The following DNAAF2 variants were observed in gnomAD, a reference collection of about 807,000 sequenced individuals.
DNAAF2 encodes the protein dynein axonemal assembly factor 2, also known as protein kintoun.
In DNAAF2, 58 loss-of-function variants were observed where a neutral mutation model predicts 48.8. That is an observed-to-expected ratio of 1.19 (90% CI 0.96 to 1.48). The LOEUF (loss-of-function observed/expected upper bound fraction) is 1.48. Ranked by LOEUF, DNAAF2 falls within the 40% of genes most tolerant of loss-of-function variation. The probability of loss-of-function intolerance (pLI) is 0.00; values close to 1 mark genes in which losing one functional copy is unlikely to be tolerated. For synonymous variants in DNAAF2, 567 were observed against 481.2 expected, an observed-to-expected ratio of 1.18 and a Z score of -2.33; for missense variants, 1,241 against 1,116.1, an observed-to-expected ratio of 1.11 and a Z score of -1.59.
At chr14:49,631,264 A>T (rs1382169307) in intron 1 of DNAAF2, among the ~76,000 whole-genome samples, 1 of 152,330 alleles carries the variant, frequency 6.6e-6, no homozygotes, top group East Asian at 1.9e-4. Flanking sequence ...CTTGCAAATA[A>T]TACACCAAAT....
At position 49,633,748 on chromosome 14, in the gene DNAAF2, G is replaced by C. The variant is rs1469945139; in HGVS notation, c.1402C>G (p.Pro468Ala). ...GCCAGGCTCCGGGAGGACAAACAAG[G>C]GGAGCCTCCGCCACCAGGTGAGTTT... ...GENSPGGGGSPCLSSRSLAWG... is the reference protein window; with the variant it reads ...GENSPGGGGSACLSSRSLAWG... Residue 468 changes from proline to alanine, a missense_variant, in exon 1 of 3, where the codon CCT becomes GCT. Coordinates refer to ENST00000298292, the MANE Select transcript of DNAAF2 (RefSeq NM_018139.3). The C allele has an allele frequency of 6.3e-7, 1 of 1,592,614 alleles. No individual in the cohort carries two copies. The highest frequency in any genetic ancestry group is 8.5e-7 in the Non-Finnish European group (1 of 1,171,704).
At position 49,634,400 on chromosome 14, in the gene DNAAF2, G is replaced by A; in HGVS notation, c.750C>T (p.Pro250=). ...SPPEAALQPA[P]TEPRYSVVQR... ...GCACCACGCTGTAGCGAGGCTCGGTGGGGGCGGGCTGCAAGGCCGCTTCCG... is the reference window on the plus strand; with the variant it reads ...GCACCACGCTGTAGCGAGGCTCGGTAGGGGCGGGCTGCAAGGCCGCTTCCG... Residue 250 remains proline (P), a synonymous_variant, in exon 1 of 3, where the codon CCC becomes CCT. Transcript: ENST00000298292. 2 of 1,585,348 alleles carry A rather than the reference G, an allele frequency of 1.3e-6. No homozygotes were observed. The highest frequency in any genetic ancestry group is 1.7e-6 in the Non-Finnish European group (2 of 1,166,022).
In DNAAF2 at chr14:49,628,145, A is replaced by C; in HGVS notation, c.1874T>G (p.Phe625Cys). 1 of 1,582,770 alleles carries C rather than the reference A, an allele frequency of 6.3e-7. No individual in the cohort carries two copies. The highest frequency in any genetic ancestry group is 1.2e-5 in the South Asian group (1 of 85,758). ...VNNDSLEERL[F>C]VNEENVNEFL... ...CTCATTAACATTTTCTTCATTGACA[A>C]ATAACCTTTCCTAAAATAAAAAGGG... Residue 625 changes from phenylalanine to cysteine, a missense_variant, in exon 2 of 3, where the codon TTT becomes TGT. Phe to Cys is a radical substitution (Grantham distance 205). Transcript: ENST00000298292.
In DNAAF2 at chr14:49,625,448, A is replaced by T; in HGVS notation, c.*94T>A. 1.0e-6 allele frequency: 1 copy of T among 973,996 alleles called. No individual in the cohort carries two copies. Among genetic ancestry groups the T allele is most frequent in the Non-Finnish European group, 1.4e-6 (1 of 732,980 alleles). The allele number at this position is 973,996 out of a possible 1,614,324, so 60.3% of individuals were successfully genotyped here. A position where few individuals can be genotyped will look rare whatever the true frequency, so the allele number is the denominator to read the frequency against. ...ATTGCAAATTTTAATTTTATACTTT[A>T]ATACCTTTAGTTTTAAGACAACAGT... On this transcript the variant is annotated 3_prime_UTR_variant, in exon 3 of 3. Transcript: ENST00000298292.
intron 1 of DNAAF2, among the ~76,000 whole-genome samples, chr14:49,628,430 A>T (rs1247794484): frequency 6.6e-6 from 1 of 152,072 alleles, no homozygotes; most frequent in Middle Eastern, 3.2e-3. Flanking sequence ...CTGACCTTTT[A>T]GTATTTTTCT....
rs567371975 is a variant in DNAAF2, at chr14:49,635,021, G to A, written c.129C>T (p.Leu43=). The A allele has an allele frequency of 1.3e-4, 202 of 1,572,782 alleles. 2 individuals are homozygous for A. In the Admixed American group the frequency reaches 3.5e-3, roughly 27 times the overall value. The change falls in exon 1 of 3, where the codon CTC becomes CTT. Residue 43 remains leucine, a synonymous_variant. Transcript: ENST00000298292. ...AGCGCCGCCGGTTCTCCGGGTCGGTGAGCTCCTCGGCGTACTGGGAGAACA... is the reference window on the plus strand; with the variant it reads ...AGCGCCGCCGGTTCTCCGGGTCGGTAAGCTCCTCGGCGTACTGGGAGAACA... ...RRMFSQYAEE[L]TDPENRRRYE... is the part of the protein sequence containing the mutation.
At position 49,626,036 on chromosome 14, in the gene DNAAF2, TACATTCTTGCA is replaced by T; in HGVS notation, c.2009_2019del (p.Leu670Ter). The T allele has an allele frequency of 6.7e-7, 1 of 1,486,374 alleles. No individual in the cohort carries two copies. Among genetic ancestry groups the T allele is most frequent in the Non-Finnish European group, 8.9e-7 (1 of 1,121,338 alleles). 92.1% of individuals were successfully genotyped at this position (1,486,374 alleles called of 1,614,324 possible). The stretch of plus-strand genomic sequence containing the variant: ...TTTCCTTGTAGCTGATCAGAGTTAC[TACATTCTTGCA>T]ACTGTGTCAAGAGAAACAACAAATT... On this transcript the variant is annotated frameshift_variant and splice_region_variant, in exon 3 of 3. Coordinates refer to ENST00000298292, the MANE Select transcript of DNAAF2 (RefSeq NM_018139.3). LOFTEE classifies it low-confidence loss of function (END_TRUNC).
intron 1 of DNAAF2, 22 bp from the exon 2 acceptor site, chr14:49,628,177 T>C (rs750466795): frequency 1.3e-6 from 2 of 1,554,818 alleles, no homozygotes; most frequent in Non-Finnish European, 1.7e-6. Context: ...AGGGAAAAAA[T>C]ATTCTGCCTA....
chr14:49,633,656 C>A lies in DNAAF2; in HGVS notation c.1494G>T (p.Ser498=), dbSNP rs2985688. 1.2e-6 allele frequency: 2 copies of A among 1,612,316 alleles called. No individual in the cohort carries two copies. ...GDSSVETREE[S]EGTGGQRSAC... ...CTGAGCGCTGGCCGCCCGTGCCCTC[C>A]GACTCCTCGCGTGTTTCCACACTGC... Residue 498 remains serine, a synonymous_variant, in exon 1 of 3, where the codon TCG becomes TCT. Coordinates refer to ENST00000298292, the MANE Select transcript of DNAAF2 (RefSeq NM_018139.3).
At chr14:49,632,917 T>C (rs1482406970) in intron 1 of DNAAF2, among the ~76,000 whole-genome samples, 1 of 172 alleles carries the variant, frequency 5.8e-3, no homozygotes. Context: ...TTTAAGTTGT[T>C]TTTTTTTTTG....
In DNAAF2 at chr14:49,625,421, A is replaced by T; in HGVS notation, c.*121T>A. On this transcript the variant is annotated 3_prime_UTR_variant, in exon 3 of 3. Coordinates refer to ENST00000298292, the MANE Select transcript of DNAAF2 (RefSeq NM_018139.3). ...AATCAAAATTGCAATTTTTTAAAAAAAATTGCAAATTTTAATTTTATACTT... is the reference window on the plus strand; with the variant it reads ...AATCAAAATTGCAATTTTTTAAAAATAATTGCAAATTTTAATTTTATACTT... The T allele has an allele frequency of 1.2e-6, 1 of 816,316 alleles. No homozygotes were observed. The highest frequency in any genetic ancestry group is 3.3e-5 in the East Asian group (1 of 30,102). 50.6% of individuals were successfully genotyped at this position (816,316 alleles called of 1,614,324 possible).
chr14:49,631,832 T>C (rs1255330316), intron 1 of DNAAF2, among the ~76,000 whole-genome samples: 1 of 152,232 alleles, frequency 6.6e-6, no homozygotes, highest in Non-Finnish European at 1.5e-5. Flanking sequence ...ATGATTATTT[T>C]CATGTAATGC....
At chr14:49,630,756 C>CACA (rs1555327722) in intron 1 of DNAAF2, among the ~76,000 whole-genome samples, 2 of 138,890 alleles carry the variant, frequency 1.4e-5, no homozygotes, top group South Asian at 2.3e-4. Flanking sequence ...CACACACACA[C>CACA]TTTTTTTTTT....
Position 49,633,717 on chromosome 14 carries a change from C to A in DNAAF2, c.1433G>T (p.Gly478Val). ...PCLSSRSLAW[G>V]SSAGRESARG... ...CGCACTCTCTCTTCCCGCAGAAGAA[C>A]CCCACGCCAGGCTCCGGGAGGACAA... is the stretch of plus-strand genomic sequence containing the variant. The change falls in exon 1 of 3, where the codon GGT (glycine) becomes GTT (valine). Residue 478 changes from glycine to valine, a missense_variant. Transcript: ENST00000298292. 1 of 1,598,342 alleles carries A rather than the reference C, an allele frequency of 6.3e-7. No individual in the cohort carries two copies. The highest frequency in any genetic ancestry group is 8.5e-7 in the Non-Finnish European group (1 of 1,171,122).
chr14:49,626,804 T>G (rs1336262228), intron 2 of DNAAF2, among the ~76,000 whole-genome samples: 2 of 132,078 alleles, frequency 1.5e-5, no homozygotes, highest in African/African-American at 5.8e-5. Context: ...CCAGTCTTTT[T>G]TTTTTTTTTT....
In DNAAF2 at chr14:49,625,214, T is replaced by A. The variant is rs12160; in HGVS notation, c.*328A>T. 0.7 allele frequency: 110,026 copies of A among 157,910 alleles called. 39,697 individuals are homozygous for A. Among genetic ancestry groups the A allele is most frequent in the Non-Finnish European group, 0.76 (54,908 of 71,980 alleles). 9.8% of individuals were successfully genotyped at this position (157,910 alleles called of 1,614,324 possible). A position where few individuals can be genotyped will look rare whatever the true frequency, so the allele number is the denominator to read the frequency against. On this transcript the variant is annotated 3_prime_UTR_variant, in exon 3 of 3. Coordinates refer to ENST00000298292, the MANE Select transcript of DNAAF2 (RefSeq NM_018139.3). The stretch of plus-strand genomic sequence containing the variant: ...AAATTTTATTAATGACAAAGCAAAA[T>A]TTAACACAGAAGTATATATACATAG...
chr14:49,627,391 A>G (rs1883035960), intron 2 of DNAAF2, among the ~76,000 whole-genome samples: 1 of 152,250 alleles, frequency 6.6e-6, no homozygotes, highest in African/African-American at 2.4e-5. Context: ...TACAAATTGT[A>G]TAACATAGTT....
At position 49,633,582 on chromosome 14, in the gene DNAAF2, G is replaced by C. The variant is rs199957238; in HGVS notation, c.1568C>G (p.Pro523Arg). 5.0e-6 allele frequency: 8 copies of C among 1,613,820 alleles called. No individual in the cohort carries two copies. The highest frequency in any genetic ancestry group is 5.1e-6 in the Non-Finnish European group (6 of 1,179,892). Reference protein sequence around the residue: ...PGTKSGEPLCPPLLCNQDKET... With the variant: ...PGTKSGEPLCRPLLCNQDKET... Reference sequence around the variant, plus strand: ...TTTGTCCTGATTACACAGTAACGGAGGACACAAAGGCTCCCCGCTCTTGGT... The same window carrying C: ...TTTGTCCTGATTACACAGTAACGGACGACACAAAGGCTCCCCGCTCTTGGT... The change falls in exon 1 of 3, where the codon CCT becomes CGT. Residue 523 changes from proline to arginine, a missense_variant. Physicochemically the swap from Pro to Arg is moderately radical, Grantham distance 103. Transcript: ENST00000298292.
Position 49,625,738 on chromosome 14 carries a change from G to A in DNAAF2, c.2318C>T (p.Ser773Leu), listed in dbSNP as rs1566507554. 6.2e-7 allele frequency: 1 copy of A among 1,613,286 alleles called. No individual in the cohort carries two copies. The highest frequency in any genetic ancestry group is 8.5e-7 in the Non-Finnish European group (1 of 1,179,646). The change falls in exon 3 of 3, where the codon TCA becomes TTA. Residue 773 changes from serine (S) to leucine (L), a missense_variant. Transcript: ENST00000298292. ...TGTTTCTTTCTCTTCAGTTATTACT[G>A]ACTCGTTTAAGTTATCTTTTTCCTC... is the stretch of plus-strand genomic sequence containing the variant. ...SNEEKDNLNE[S>L]VITEEKETDG...
Sources: allele counts gnomAD v4.1 joint callset (sites outside exome capture counted in the v4.1 genomes callset), GRCh38; gene constraint gnomAD v4.1.1; transcripts MANE v1.5; gene names NCBI Gene and HGNC (gene_info 2026-07-23, HGNC 2026-07-21).